The following UVRAG variants were observed in gnomAD, a reference collection of about 807,000 sequenced individuals.
The protein encoded by UVRAG is UV radiation resistance-associated gene protein.
A neutral mutation model predicts 78.0 loss-of-function variants in UVRAG; 19 were observed. The observed-to-expected ratio is 0.24, with a 90% CI of 0.17 to 0.36. The LOEUF (loss-of-function observed/expected upper bound fraction) is 0.36. Among genes scored for constraint, UVRAG ranks in the 10% least tolerant of loss-of-function variants. The pLI is 1.00. For missense variants in UVRAG, 740 were observed against 853.8 expected, an observed-to-expected ratio of 0.87 and a Z score of 1.66; for synonymous variants, 323 against 324.6, an observed-to-expected ratio of 1.00 and a Z score of 0.05.
Position 75,890,634 on chromosome 11 carries a change from A to C in UVRAG, c.507+1731A>C, listed in dbSNP as rs1947194815. 2.6e-5 allele frequency among the ~76,000 whole-genome samples: 4 copies of C among 151,764 alleles called. No individual in the cohort carries two copies. In the South Asian group the frequency reaches 8.4e-4, roughly 32 times the overall value. On this transcript the variant is annotated intron_variant, in intron 5 of 14. Coordinates refer to ENST00000356136, the MANE Select transcript of UVRAG (RefSeq NM_003369.4). Reference sequence around the variant, plus strand: ...TTTGAGACATTCATGTGTAGATGGAAGTAGGCCTTTGGATCTATGAGTCTG... The same window carrying C: ...TTTGAGACATTCATGTGTAGATGGACGTAGGCCTTTGGATCTATGAGTCTG...
chr11:75,847,652 G>GA (rs996330505), intron 1 of UVRAG, among the ~76,000 whole-genome samples: 3 of 151,954 alleles, frequency 2.0e-5, no homozygotes, highest in Admixed American at 1.3e-4. Context: ...CTTTTACCAA[G>GA]ATTGCATCAG....
intron 7 of UVRAG, among the ~76,000 whole-genome samples, chr11:75,963,227 T>C (rs1231570326): frequency 2.0e-5 from 3 of 152,192 alleles, no homozygotes; most frequent in South Asian, 4.1e-4. Context: ...TTTTTTTACA[T>C]TGGTGTATTT....
rs1946475769 is a variant in UVRAG, at chr11:75,863,763, C to T, written c.270+1983C>T. On this transcript the variant is annotated intron_variant, in intron 3 of 14. Transcript: ENST00000356136. ...ATTCAAGACAAGGGGGAGGATTGGA[C>T]TAAAACACTTGTAGGTCCCTTTCAA... is the stretch of plus-strand genomic sequence containing the variant. Among the ~76,000 whole-genome samples, 3 of 152,306 alleles carry T rather than the reference C, an allele frequency of 2.0e-5. 1 individual carries two copies. The highest frequency in any genetic ancestry group is 6.8e-3 in the Middle Eastern group (2 of 294).
intron 6 of UVRAG, among the ~76,000 whole-genome samples, chr11:75,942,661 T>C (rs1160472787): frequency 6.6e-6 from 1 of 152,180 alleles, no homozygotes; most frequent in Non-Finnish European, 1.5e-5. Flanking sequence ...GTACAATTAT[T>C]AAGTGTACAT....
intron 1 of UVRAG, 25 bp downstream of exon 1, chr11:75,815,549 T>G (rs1590886874): frequency 8.2e-7 from 1 of 1,215,278 alleles, no homozygotes; most frequent in East Asian, 3.2e-5. Context: ...CTCGCAGCAC[T>G]CGGGAGGGAC....
In UVRAG at chr11:75,920,008, G is replaced by GTTTTTTT. The variant is rs140217190; in HGVS notation, c.593+7998_593+8004dup. ...CAAAATTTAAAATAAAATAATTTTGGTTTTTTTTTTTTTTTTTTTTTTTTT... is the reference window on the plus strand; with the variant it reads ...CAAAATTTAAAATAAAATAATTTTGGTTTTTTTTTTTTTTTTTTTTTTTTTTTTTTTT... On this transcript the variant is annotated intron_variant, in intron 6 of 14. Coordinates refer to ENST00000356136, the MANE Select transcript of UVRAG (RefSeq NM_003369.4). Among the ~76,000 whole-genome samples the GTTTTTTT allele has an allele frequency of 2.8e-3, 156 of 55,500 alleles. 21 individuals are homozygous for GTTTTTTT. Among genetic ancestry groups the GTTTTTTT allele is most frequent in the East Asian group, 0.01 (16 of 1,576 alleles). The allele number at this position is 55,500 out of a possible 152,430, so 36.4% of individuals were successfully genotyped here.
chr11:75,928,005 G>A (rs979473733), intron 6 of UVRAG, among the ~76,000 whole-genome samples: 9 of 152,098 alleles, frequency 5.9e-5, no homozygotes, highest in Non-Finnish European at 1.2e-4. Flanking sequence ...GGGAGGATGA[G>A]GCTGGAGGAT....
At chr11:76,011,877 T>C (rs1950057499) in intron 11 of UVRAG, among the ~76,000 whole-genome samples, 1 of 152,174 alleles carries the variant, frequency 6.6e-6, no homozygotes, top group Non-Finnish European at 1.5e-5. Context: ...AGCAGGTACA[T>C]GGTACTCAAA....
intron 2 of UVRAG, among the ~76,000 whole-genome samples, chr11:75,860,173 G>A (rs1247247668): frequency 6.6e-6 from 1 of 152,216 alleles, no homozygotes; most frequent in African/African-American, 2.4e-5. Flanking sequence ...TTGAACTGCT[G>A]ACTTCAGGTG....
chr11:75,924,075 G>A (rs778471903), intron 6 of UVRAG, among the ~76,000 whole-genome samples: 1 of 151,894 alleles, frequency 6.6e-6, no homozygotes, highest in Non-Finnish European at 1.5e-5. Flanking sequence ...TTATATCTCA[G>A]TTTACAATGT....
intron 14 of UVRAG, among the ~76,000 whole-genome samples, chr11:76,122,151 C>T (rs999028279): frequency 2.0e-5 from 3 of 152,126 alleles, no homozygotes; most frequent in Non-Finnish European, 4.4e-5. Context: ...GTAAAAAGTA[C>T]GACATGCTAT....
At chr11:75,860,979 A>C (rs1946409183) in intron 2 of UVRAG, among the ~76,000 whole-genome samples, 1 of 152,044 alleles carries the variant, frequency 6.6e-6, no homozygotes, top group South Asian at 2.1e-4. Context: ...ATGGGGTTTC[A>C]TCCTGTTGGC....
chr11:76,061,990 C>T (rs1413257170), intron 12 of UVRAG, among the ~76,000 whole-genome samples: 1 of 152,142 alleles, frequency 6.6e-6, no homozygotes, highest in East Asian at 1.9e-4. Context: ...AGATAAACAG[C>T]AGAAATTTGC....
At chr11:75,948,010 A>G (rs970092347) in intron 6 of UVRAG, among the ~76,000 whole-genome samples, 2 of 152,172 alleles carry the variant, frequency 1.3e-5, no homozygotes, top group African/African-American at 4.8e-5. Context: ...GCTAGATTTC[A>G]TTGGACTTTG....
intron 5 of UVRAG, 139 bp downstream of exon 5, chr11:75,889,042 A>G (rs2079421930): frequency 3.7e-6 from 2 of 547,406 alleles, no homozygotes; most frequent in South Asian, 4.1e-5. Context: ...CTTAAGGTGG[A>G]TGCTTTTTAA....
At chr11:75,897,001 G>A (rs1256426484) in intron 5 of UVRAG, among the ~76,000 whole-genome samples, 1 of 152,152 alleles carries the variant, frequency 6.6e-6, no homozygotes, top group Non-Finnish European at 1.5e-5. Flanking sequence ...AAGCTACAGC[G>A]GTAATATCTT....
At chr11:75,825,810 G>A (rs951002995) in intron 1 of UVRAG, among the ~76,000 whole-genome samples, 1 of 151,696 alleles carries the variant, frequency 6.6e-6, no homozygotes, top group Admixed American at 6.6e-5. Flanking sequence ...CAGTTCCACT[G>A]TTCTTGGCTG....
intron 5 of UVRAG, among the ~76,000 whole-genome samples, chr11:75,902,389 G>C (rs909028499): frequency 3.3e-5 from 5 of 152,156 alleles, no homozygotes; most frequent in Non-Finnish European, 5.9e-5. Context: ...AGTAGGGTTC[G>C]AGCTCCCATG....
chr11:75,962,500 G>C (rs1424404474), intron 7 of UVRAG, among the ~76,000 whole-genome samples: 1 of 152,136 alleles, frequency 6.6e-6, no homozygotes, highest in African/African-American at 2.4e-5. Flanking sequence ...TACAGTTGCT[G>C]ATTTTCTAGC....
Sources: gnomAD v4.1 joint callset for allele counts (sites outside exome capture counted in the v4.1 genomes callset) on GRCh38, gnomAD v4.1.1 for gene constraint, MANE v1.5 for transcripts, NCBI Gene and HGNC (gene_info 2026-07-23, HGNC 2026-07-21) for gene names.